The following CPHXL variants were observed in gnomAD, a reference collection of about 807,000 sequenced individuals.
CPHXL encodes cytoplasmic polyadenylated homeobox-like protein.
intron 1 of CPHXL, among the ~76,000 whole-genome samples, chr16:75,720,234 T>C (rs964433908): frequency 6.6e-5 from 10 of 152,000 alleles, no homozygotes; most frequent in Non-Finnish European, 1.2e-4. Flanking sequence ...TCACCAGCAA[T>C]TGAACAAAGC....
chr16:75,723,659 A>G (rs1385853747), intron 1 of CPHXL, among the ~76,000 whole-genome samples: 13 of 151,808 alleles, frequency 8.6e-5, no homozygotes, highest in East Asian at 1.9e-4. Flanking sequence ...TCAATATCAT[A>G]AAAATGGCCA....
At chr16:75,719,955 T>C (rs529374229) in intron 1 of CPHXL, among the ~76,000 whole-genome samples, 12 of 152,238 alleles carry the variant, frequency 7.9e-5, no homozygotes, top group African/African-American at 2.6e-4. Flanking sequence ...CAATATCTGC[T>C]GTTCTGCAGC....
intron 1 of CPHXL, among the ~76,000 whole-genome samples, chr16:75,719,065 C>T (rs904653519): frequency 3.9e-5 from 6 of 152,070 alleles, no homozygotes; most frequent in African/African-American, 1.5e-4. Context: ...TTAAATTAAA[C>T]ATGTATAAAT....
In CPHXL at chr16:75,714,401, C is replaced by A. The variant is rs1003217711; in HGVS notation, c.1041G>T (p.Trp347Cys). ...DSGPWDLGKQ[W>C]SSAQSQLQSQ... The stretch of plus-strand genomic sequence containing the variant: ...TCTGCAGCTGTGACTGAGCCGAGGA[C>A]CACTGCTTCCCTAGATCCCAAGGAC... The change falls in exon 3 of 3, where the codon TGG becomes TGT. Residue 347 changes from tryptophan (W) to cysteine (C), a missense_variant. By Grantham distance (215) the Trp-to-Cys change is radical. Coordinates refer to ENST00000640559, the MANE Select transcript of CPHXL (RefSeq NM_001355613.1). 4 of 398,496 alleles carry A rather than the reference C, an allele frequency of 1.0e-5. No individual in the cohort carries two copies. The highest frequency in any genetic ancestry group is 1.8e-5 in the Non-Finnish European group (4 of 226,094). The allele number at this position is 398,496 out of a possible 1,614,324, so 24.7% of individuals were successfully genotyped here.
intron 1 of CPHXL, among the ~76,000 whole-genome samples, chr16:75,720,027 C>T (rs927240240): frequency 1.3e-5 from 2 of 152,220 alleles, no homozygotes; most frequent in South Asian, 2.1e-4. Context: ...CTCCAACAGA[C>T]CTGTAGCTGA....
Position 75,714,686 on chromosome 16 carries a change from A to G in CPHXL, c.756T>C (p.Leu252=), listed in dbSNP as rs1196120945. 1 of 398,524 alleles carries G rather than the reference A, an allele frequency of 2.5e-6. No individual in the cohort carries two copies. Among genetic ancestry groups the G allele is most frequent in the African/African-American group, 2.1e-5 (1 of 48,636 alleles). The allele number at this position is 398,524 out of a possible 1,614,324, so 24.7% of individuals were successfully genotyped here. ...ATGGCACAGAAGATGGGGGAGGATG[A>G]AGGCATTCTGCAGAGTTGTAGCTGA... The part of the protein sequence containing the change: ...HFLSYNSAEC[L]HPPPSSVPYF... The change falls in exon 3 of 3, where the codon CTT becomes CTC. Residue 252 remains leucine (L), a synonymous_variant. Coordinates refer to ENST00000640559, the MANE Select transcript of CPHXL (RefSeq NM_001355613.1).
chr16:75,714,179 T>TTGCA lies in CPHXL; in HGVS notation c.*41_*44dup. On this transcript the variant is annotated 3_prime_UTR_variant, in exon 3 of 3. Transcript: ENST00000640559. The stretch of plus-strand genomic sequence containing the variant: ...TGACACTTAGCACTACTTTGCAGAG[T>TTGCA]TGCATCCTTGGTTCCCTGCTGCAGA... 2 of 398,668 alleles carry TTGCA rather than the reference T, an allele frequency of 5.0e-6. 1 individual carries two copies. The highest frequency in any genetic ancestry group is 1.3e-3 in the Middle Eastern group (2 of 1,588). The allele number at this position is 398,668 out of a possible 1,614,324, so 24.7% of individuals were successfully genotyped here.
intron 2 of CPHXL, among the ~76,000 whole-genome samples, chr16:75,716,055 A>C (rs1959386684): frequency 6.6e-6 from 1 of 152,126 alleles, no homozygotes; most frequent in African/African-American, 2.4e-5. Flanking sequence ...ACGGGTTACA[A>C]CTAAAGAGTG....
Position 75,714,855 on chromosome 16 carries a change from A to T in CPHXL, c.587T>A (p.Leu196Gln), listed in dbSNP as rs111581216. ...GGCCACCTGTTGACTGGGAATCCCT[A>T]GTTTCTCCAGATAGGAGCACTGGGA... The part of the protein sequence containing the change: ...VGSQCSYLEK[L>Q]GIPSQQVASQ... Residue 196 changes from leucine (L) to glutamine (Q), a missense_variant, in exon 3 of 3, where the codon CTA becomes CAA. Transcript: ENST00000640559. 392 of 398,506 alleles carry T rather than the reference A, an allele frequency of 9.8e-4. 3 individuals are homozygous for T. The highest frequency in any genetic ancestry group is 6.8e-3 in the African/African-American group (332 of 48,686). The allele number at this position is 398,506 out of a possible 1,614,324, so 24.7% of individuals were successfully genotyped here. A position where few individuals can be genotyped will look rare whatever the true frequency, so the allele number is the denominator to read the frequency against.
chr16:75,721,048 A>G lies in CPHXL; in HGVS notation c.26-2590T>C, dbSNP rs565381419. Among the ~76,000 whole-genome samples, 208 of 152,318 alleles carry G rather than the reference A, an allele frequency of 1.4e-3. 1 individual carries two copies. The highest frequency in any genetic ancestry group is 0.01 in the Middle Eastern group (3 of 294). On this transcript the variant is annotated intron_variant, in intron 1 of 2. Transcript: ENST00000640559. ...AATAAAATCCTCTACAGACAAGCAA[A>G]TGCTGAGAGATTTTGTCACCACCAG...
At chr16:75,723,279 G>A (rs1156449623) in intron 1 of CPHXL, among the ~76,000 whole-genome samples, 1 of 152,068 alleles carries the variant, frequency 6.6e-6, no homozygotes, top group Admixed American at 6.6e-5. Flanking sequence ...AGAAATAAAG[G>A]GTATTCAATT....
chr16:75,717,134 C>T (rs555900945), intron 2 of CPHXL, among the ~76,000 whole-genome samples: 1 of 152,170 alleles, frequency 6.6e-6, no homozygotes, highest in Non-Finnish European at 1.5e-5. Flanking sequence ...TCTCAAACAT[C>T]TACAGTCTCA....
At chr16:75,715,917 C>T (rs1042438115) in intron 2 of CPHXL, among the ~76,000 whole-genome samples, 1 of 151,976 alleles carries the variant, frequency 6.6e-6, no homozygotes, top group Non-Finnish European at 1.5e-5. Flanking sequence ...AGGCTGGTCT[C>T]GAACTCCTGA....
In CPHXL at chr16:75,715,128, T is replaced by G. The variant is rs1474132047; in HGVS notation, c.314A>C (p.His105Pro). Residue 105 changes from histidine (H) to proline (P), a missense_variant, in exon 3 of 3, where the codon CAT becomes CCT. Transcript: ENST00000640559. ...GGTCTCCTGGCAGCTTAAAAATGAA[T>G]GGGCTTGGACTGGAAAATCATGCTT... The part of the protein sequence containing the change: ...QKKHDFPVQA[H>P]SFLSCQETQA... The G allele has an allele frequency of 2.5e-6, 1 of 398,868 alleles. No homozygotes were observed. The highest frequency in any genetic ancestry group is 4.4e-6 in the Non-Finnish European group (1 of 226,188). The allele number at this position is 398,868 out of a possible 1,614,324, so 24.7% of individuals were successfully genotyped here.
At chr16:75,715,422 G>A (rs556185930) in intron 2 of CPHXL, among the ~76,000 whole-genome samples, 200 bp from the exon 3 acceptor site, 7 of 152,210 alleles carry the variant, frequency 4.6e-5, no homozygotes, top group East Asian at 1.9e-4. Flanking sequence ...CATGCATTGC[G>A]CATTTCTAGA....
intron 2 of CPHXL, among the ~76,000 whole-genome samples, chr16:75,715,514 T>C (rs1052816150): frequency 1.3e-5 from 2 of 152,160 alleles, no homozygotes; most frequent in African/African-American, 2.4e-5. Context: ...CCCAACCTGT[T>C]TGTGACCCAT....
chr16:75,715,034 T>A lies in CPHXL; in HGVS notation c.408A>T (p.Arg136Ser), dbSNP rs576188858. ...GTTTCTCCAGATGGGAGCAACCAGC[T>A]CTTCTCATCAGAGCCCTCTGGGCAC... is the stretch of plus-strand genomic sequence containing the variant. ...LSGAQRALMRRAGCSHLEKQW... is the reference protein window; with the variant it reads ...LSGAQRALMRSAGCSHLEKQW... The change falls in exon 3 of 3, where the codon AGA (arginine) becomes AGT (serine). Residue 136 changes from arginine to serine, a missense_variant. By Grantham distance (110) the Arg-to-Ser change is moderately radical (BLOSUM62 -1). Coordinates refer to ENST00000640559, the MANE Select transcript of CPHXL (RefSeq NM_001355613.1). The A allele has an allele frequency of 2.8e-5, 11 of 398,668 alleles. No individual in the cohort carries two copies. Among genetic ancestry groups the A allele is most frequent in the African/African-American group, 1.4e-4 (7 of 48,768 alleles). The allele number at this position is 398,668 out of a possible 1,614,324, so 24.7% of individuals were successfully genotyped here.
At position 75,725,116 on chromosome 16, in the gene CPHXL, G is replaced by C. The variant is rs577575166; in HGVS notation, c.25+1302C>G. Among the ~76,000 whole-genome samples, 89 of 146,928 alleles carry C rather than the reference G, an allele frequency of 6.1e-4. 1 individual carries two copies. The South Asian group carries it at 0.02, about 34-fold the overall frequency. The stretch of plus-strand genomic sequence containing the variant: ...CAGGAAGGGGAACATCACACACCCG[G>C]GCCTGTTGTGGGGTCGGGGGAGGGG... On this transcript the variant is annotated intron_variant, in intron 1 of 2. Coordinates refer to ENST00000640559, the MANE Select transcript of CPHXL (RefSeq NM_001355613.1).
chr16:75,724,436 C>A (rs1174836601), intron 1 of CPHXL, among the ~76,000 whole-genome samples: 2 of 150,208 alleles, frequency 1.3e-5, no homozygotes, highest in East Asian at 3.9e-4. Flanking sequence ...AAGAAAAAAA[C>A]AAACAACCCC....
Sources: gnomAD v4.1 joint callset for allele counts (sites outside exome capture counted in the v4.1 genomes callset) on GRCh38, gnomAD v4.1.1 for gene constraint, MANE v1.5 for transcripts, NCBI Gene and HGNC (gene_info 2026-07-23, HGNC 2026-07-21) for gene names.